The following RAD51B variants were observed in gnomAD, a reference collection of about 807,000 sequenced individuals.
The protein encoded by RAD51B is RAD51 paralog B, also known as DNA repair protein RAD51 homolog 2.
RAD51B carries 38 observed loss-of-function variants against 42.2 expected under a neutral mutation model. That is an observed-to-expected ratio of 0.90 (90% CI 0.70 to 1.18). The LOEUF (loss-of-function observed/expected upper bound fraction) is 1.18, where lower values mean the gene tolerates loss of function less well. Ranked by LOEUF, RAD51B falls within the 50% of genes most tolerant of loss-of-function variation. The probability of loss-of-function intolerance (pLI) is 0.00; values close to 1 mark genes in which losing one functional copy is unlikely to be tolerated. For missense variants in RAD51B, 373 were observed against 400.7 expected, an observed-to-expected ratio of 0.93 and a Z score of 0.59; for synonymous variants, 154 against 145.2, an observed-to-expected ratio of 1.06 and a Z score of -0.43.
chr14:68,037,231 TCTTTTTTTC>T (rs1366837560), intron 7 of RAD51B, among the ~76,000 whole-genome samples: 1 of 133,842 alleles, frequency 7.5e-6, no homozygotes, highest in Non-Finnish European at 1.6e-5. Context: ...TCTCTTCTTT[TCTTTTTTTC>T]CTTTCTTTGT....
intron 5 of RAD51B, among the ~76,000 whole-genome samples, chr14:67,877,939 C>T (rs2042780965): frequency 6.6e-6 from 1 of 152,172 alleles, no homozygotes; most frequent in Non-Finnish European, 1.5e-5. Context: ...TGCTTGAATT[C>T]CAAGCATAAG....
intron 7 of RAD51B, among the ~76,000 whole-genome samples, chr14:68,042,934 A>G (rs534153258): frequency 7.2e-5 from 11 of 152,314 alleles, no homozygotes; most frequent in African/African-American, 2.4e-4. Context: ...TTTTATTAAG[A>G]TGGAAGAAGC....
chr14:68,149,317 A>G (rs1038719036), intron 7 of RAD51B, among the ~76,000 whole-genome samples: 5 of 152,082 alleles, frequency 3.3e-5, no homozygotes, highest in African/African-American at 9.7e-5. Flanking sequence ...ATCGTCTGGA[A>G]TTTTTATAGT....
intron 7 of RAD51B, among the ~76,000 whole-genome samples, chr14:68,128,920 G>T (rs766194937): frequency 1.4e-4 from 22 of 152,110 alleles, no homozygotes; most frequent in Non-Finnish European, 2.8e-4. Flanking sequence ...AGATGAGAAG[G>T]TATCTAGCCT....
chr14:68,667,053 C>T (rs1893045979), intron 11 of RAD51B, among the ~76,000 whole-genome samples: 1 of 152,152 alleles, frequency 6.6e-6, no homozygotes. Context: ...GTTTATTTGC[C>T]ACAGCAGCAT....
At chr14:68,509,303 C>G (rs2140310969) in intron 10 of RAD51B, among the ~76,000 whole-genome samples, 1 of 152,354 alleles carries the variant, frequency 6.6e-6, no homozygotes, top group East Asian at 1.9e-4. Context: ...CATGTTAAAG[C>G]TCCCCAGCTC....
intron 8 of RAD51B, among the ~76,000 whole-genome samples, chr14:68,380,415 G>A (rs1157422976): frequency 6.6e-6 from 1 of 152,144 alleles, no homozygotes; most frequent in Non-Finnish European, 1.5e-5. Flanking sequence ...CAACAGTTGT[G>A]GTTAGTGCCC....
intron 9 of RAD51B, among the ~76,000 whole-genome samples, chr14:68,464,343 C>T (rs1292277670): frequency 6.6e-6 from 1 of 152,218 alleles, no homozygotes; most frequent in Non-Finnish European, 1.5e-5. Context: ...ATCCAGTACA[C>T]TTCCTGTATT....
At chr14:68,371,303 G>A (rs1406614027) in intron 8 of RAD51B, among the ~76,000 whole-genome samples, 2 of 151,858 alleles carry the variant, frequency 1.3e-5, no homozygotes, top group African/African-American at 2.4e-5. Context: ...CAGATCACAA[G>A]GTCAAGAGAT....
chr14:68,398,317 T>C (rs1463683565), intron 8 of RAD51B, among the ~76,000 whole-genome samples: 4 of 152,246 alleles, frequency 2.6e-5, no homozygotes, highest in Non-Finnish European at 5.9e-5. Context: ...CTCTGGAGTT[T>C]TCAAAGCACC....
intron 10 of RAD51B, among the ~76,000 whole-genome samples, chr14:68,640,065 G>T (rs1218185503): frequency 6.6e-6 from 1 of 152,196 alleles, no homozygotes; most frequent in Non-Finnish European, 1.5e-5. Context: ...GCCTCCCAAA[G>T]TACTGGGATT....
intron 7 of RAD51B, among the ~76,000 whole-genome samples, chr14:67,922,625 T>A (rs765931385): frequency 1.3e-5 from 2 of 151,646 alleles, no homozygotes; most frequent in Non-Finnish European, 2.9e-5. Flanking sequence ...TCCTTAGTGG[T>A]TATTTCTGAG....
At chr14:68,285,917 C>T (rs181566287) in intron 7 of RAD51B, among the ~76,000 whole-genome samples, 1 of 152,316 alleles carries the variant, frequency 6.6e-6, no homozygotes, top group Admixed American at 6.5e-5. Flanking sequence ...GATTGCCTCA[C>T]ATACTTGACT....
At chr14:68,555,278 T>C (rs763509572) in intron 10 of RAD51B, among the ~76,000 whole-genome samples, 18 of 152,274 alleles carry the variant, frequency 1.2e-4, no homozygotes, top group Non-Finnish European at 1.8e-4. Flanking sequence ...ATCTTTGGAA[T>C]TAAAGTATTT....
chr14:68,086,608 G>A (rs2076989618), intron 7 of RAD51B, among the ~76,000 whole-genome samples: 2 of 152,144 alleles, frequency 1.3e-5, no homozygotes, highest in Admixed American at 1.3e-4. Flanking sequence ...TTTAAATGCT[G>A]ATAAGGAGTC....
intron 7 of RAD51B, among the ~76,000 whole-genome samples, chr14:67,933,624 C>G (rs1281978503): frequency 2.0e-5 from 3 of 152,074 alleles, no homozygotes; most frequent in Admixed American, 2.0e-4. Flanking sequence ...GATAATGAGT[C>G]CCTTGGGGCT....
At chr14:68,274,840 G>A (rs935970743) in intron 7 of RAD51B, among the ~76,000 whole-genome samples, 24 of 152,092 alleles carry the variant, frequency 1.6e-4, no homozygotes, top group Non-Finnish European at 2.6e-4. Context: ...CCATAAACTG[G>A]TGGTTGCTGC....
At chr14:68,530,043 G>A (rs908011011) in intron 10 of RAD51B, among the ~76,000 whole-genome samples, 4 of 152,126 alleles carry the variant, frequency 2.6e-5, no homozygotes, top group African/African-American at 9.7e-5. Flanking sequence ...CCACCAAAAC[G>A]TAGTGCAAGT....
intron 9 of RAD51B, among the ~76,000 whole-genome samples, chr14:68,467,188 T>C (rs1339640732): frequency 6.6e-6 from 1 of 152,256 alleles, no homozygotes; most frequent in Non-Finnish European, 1.5e-5. Context: ...TGTAGAACCA[T>C]ATGAGATGTG....
Sources: allele counts gnomAD v4.1 joint callset (sites outside exome capture counted in the v4.1 genomes callset), GRCh38; gene constraint gnomAD v4.1.1; transcripts MANE v1.5; gene names NCBI Gene and HGNC (gene_info 2026-07-23, HGNC 2026-07-21).